The following CHODL variants were observed in gnomAD, a reference collection of about 807,000 sequenced individuals.
CHODL encodes the protein chondrolectin.
Under a neutral mutation model 34.5 loss-of-function variants are expected in CHODL, and 29 were observed. That is an observed-to-expected ratio of 0.84 (90% CI 0.63 to 1.15). The LOEUF (loss-of-function observed/expected upper bound fraction) is 1.15, where lower values mean the gene tolerates loss of function less well. CHODL is among the 50% of genes most tolerant of loss of function. The pLI is 0.00. For synonymous variants in CHODL, 125 were observed against 116.1 expected, an observed-to-expected ratio of 1.08 and a Z score of -0.49; for missense variants, 332 against 332.5, an observed-to-expected ratio of 1.00 and a Z score of 0.01.
intron 2 of CHODL, among the ~76,000 whole-genome samples, chr21:18,150,750 C>A (rs530841777): frequency 6.6e-6 from 1 of 152,102 alleles, no homozygotes; most frequent in Non-Finnish European, 1.5e-5. Context: ...AAAATGTATT[C>A]TAATCATTTT....
intron 2 of CHODL, among the ~76,000 whole-genome samples, chr21:18,153,211 C>T (rs1238551980): frequency 6.6e-6 from 1 of 152,172 alleles, no homozygotes; most frequent in African/African-American, 2.4e-5. Flanking sequence ...CAGCCAAAAT[C>T]AAGGTGTCAG....
chr21:18,227,809 A>C (rs1469165234), intron 2 of CHODL, among the ~76,000 whole-genome samples: 1 of 152,178 alleles, frequency 6.6e-6, no homozygotes, highest in Non-Finnish European at 1.5e-5. Context: ...AGATAAAATA[A>C]ATCTCTGCAA....
intron 1 of CHODL, among the ~76,000 whole-genome samples, chr21:18,014,858 A>G (rs1257010490): frequency 6.6e-6 from 1 of 152,346 alleles, no homozygotes; most frequent in East Asian, 1.9e-4. Flanking sequence ...GCCAAGGCTG[A>G]GGTATTTCTT....
chr21:18,101,502 A>G (rs2065212886), intron 2 of CHODL, among the ~76,000 whole-genome samples: 1 of 152,140 alleles, frequency 6.6e-6, no homozygotes, highest in Non-Finnish European at 1.5e-5. Context: ...AAACTTTTTA[A>G]TACAAAATGT....
chr21:18,171,359 A>G (rs1005870148), intron 2 of CHODL, among the ~76,000 whole-genome samples: 6 of 148,930 alleles, frequency 4.0e-5, no homozygotes. Context: ...GGCGCCCGCC[A>G]CCGCGCCCGG....
chr21:18,136,098 T>A (rs1384117208), intron 2 of CHODL, among the ~76,000 whole-genome samples: 1 of 102,530 alleles, frequency 9.8e-6, no homozygotes, highest in Non-Finnish European at 1.9e-5. Flanking sequence ...AGAGCAAGAT[T>A]ATGTCTCAAA....
chr21:18,068,579 T>C (rs1314441272), intron 2 of CHODL, among the ~76,000 whole-genome samples: 2 of 152,186 alleles, frequency 1.3e-5, no homozygotes, highest in Non-Finnish European at 2.9e-5. Context: ...CTGGGCCTCA[T>C]TCTTGCACCC....
chr21:18,233,706 T>G (rs1170972768), intron 2 of CHODL, among the ~76,000 whole-genome samples: 1 of 152,130 alleles, frequency 6.6e-6, no homozygotes, highest in Non-Finnish European at 1.5e-5. Flanking sequence ...TAATTTGGCC[T>G]TATTTCATAA....
At chr21:18,156,648 A>G (rs956405537) in intron 2 of CHODL, among the ~76,000 whole-genome samples, 1 of 152,194 alleles carries the variant, frequency 6.6e-6, no homozygotes, top group Non-Finnish European at 1.5e-5. Context: ...TAATATGAAC[A>G]TCAAATTAAA....
intron 2 of CHODL, among the ~76,000 whole-genome samples, chr21:18,062,090 A>G (rs762991960): frequency 5.9e-5 from 9 of 152,164 alleles, no homozygotes; most frequent in Non-Finnish European, 8.8e-5. Flanking sequence ...GAATAGGAGG[A>G]AGAATATAAA....
chr21:18,121,525 G>T (rs1479960371), intron 2 of CHODL, among the ~76,000 whole-genome samples: 1 of 147,802 alleles, frequency 6.8e-6, no homozygotes, highest in Non-Finnish European at 1.5e-5. Context: ...TTACTTTCTT[G>T]TTCTTCAAAT....
chr21:18,143,112 A>G (rs1269578865), intron 2 of CHODL, among the ~76,000 whole-genome samples: 1 of 152,198 alleles, frequency 6.6e-6, no homozygotes, highest in South Asian at 2.1e-4. Flanking sequence ...ATTGTTTTCC[A>G]GTAAATCCTA....
chr21:18,074,245 A>G (rs2064838719), intron 2 of CHODL, among the ~76,000 whole-genome samples: 1 of 152,198 alleles, frequency 6.6e-6, no homozygotes, highest in South Asian at 2.1e-4. Context: ...GGCTATGTGC[A>G]TGTCTGTTAG....
chr21:18,202,937 G>A (rs776526498), intron 2 of CHODL, among the ~76,000 whole-genome samples: 1 of 152,228 alleles, frequency 6.6e-6, no homozygotes, highest in South Asian at 2.1e-4. Context: ...AGTTCTTAGC[G>A]TGAATAATTT....
chr21:18,032,625 C>T (rs975227148), intron 2 of CHODL, among the ~76,000 whole-genome samples: 3 of 152,060 alleles, frequency 2.0e-5, no homozygotes, highest in Non-Finnish European at 4.4e-5. Flanking sequence ...CAAATGTGAT[C>T]CCCTTACTGG....
chr21:17,971,875 C>A (rs1470536790), intron 1 of CHODL, among the ~76,000 whole-genome samples: 1 of 152,084 alleles, frequency 6.6e-6, no homozygotes, highest in African/African-American at 2.4e-5. Flanking sequence ...AAATTTCAGG[C>A]CAATATTTCT....
At chr21:17,928,075 A>G (rs188102205) in intron 1 of CHODL, among the ~76,000 whole-genome samples, 2 of 152,382 alleles carry the variant, frequency 1.3e-5, no homozygotes, top group East Asian at 3.9e-4. Context: ...CATGGTGGCC[A>G]TCATAAACAA....
intron 2 of CHODL, among the ~76,000 whole-genome samples, chr21:18,198,444 G>A (rs934409445): frequency 2.2e-4 from 33 of 151,904 alleles, no homozygotes; most frequent in African/African-American, 7.5e-4. Context: ...AAAAATAGAA[G>A]GCAGCATTAT....
chr21:18,070,441 A>G (rs1600964310), intron 2 of CHODL, among the ~76,000 whole-genome samples: 1 of 151,902 alleles, frequency 6.6e-6, no homozygotes, highest in South Asian at 2.1e-4. Context: ...GTACTGAAGT[A>G]TAGCTAGGGA....
Sources: gnomAD v4.1 joint callset for allele counts (sites outside exome capture counted in the v4.1 genomes callset) on GRCh38, gnomAD v4.1.1 for gene constraint, MANE v1.5 for transcripts, NCBI Gene and HGNC (gene_info 2026-07-23, HGNC 2026-07-21) for gene names.